RYR2: variants seen among roughly 807,000 people sequenced by gnomAD.
RYR2 encodes cardiac muscle ryanodine receptor-calcium release channel.
Under a neutral mutation model 601.1 loss-of-function variants are expected in RYR2, and 227 were observed. The observed-to-expected ratio is 0.38, with a 90% CI of 0.34 to 0.42. The LOEUF is 0.42. Among genes scored for constraint, RYR2 ranks in the 10% least tolerant of loss-of-function variants. RYR2 has a pLI of 1.00. For missense variants in RYR2, 4,646 were observed against 6,156.5 expected, an observed-to-expected ratio of 0.75 and a Z score of 8.21; for synonymous variants, 2,223 against 2,175.1, an observed-to-expected ratio of 1.02 and a Z score of -0.61.
At chr1:237,684,934 GAA>G (rs3035867) in intron 62 of RYR2, among the ~76,000 whole-genome samples, 5 of 147,688 alleles carry the variant, frequency 3.4e-5, no homozygotes, top group African/African-American at 9.9e-5. Context: ...TAATTAGAGA[GAA>G]AAAAAAAAAT....
intron 22 of RYR2, among the ~76,000 whole-genome samples, chr1:237,504,954 C>G (rs1427392918): frequency 1.3e-5 from 2 of 152,146 alleles, no homozygotes; most frequent in African/African-American, 4.8e-5. Flanking sequence ...CTATGAGACT[C>G]TAAGGAGAAT....
At chr1:237,570,378 G>A (rs936938389) in intron 29 of RYR2, among the ~76,000 whole-genome samples, 3 of 145,682 alleles carry the variant, frequency 2.1e-5, no homozygotes, top group African/African-American at 5.1e-5. Flanking sequence ...TGCTCTTGTC[G>A]CCCGGGCTGG....
intron 17 of RYR2, among the ~76,000 whole-genome samples, chr1:237,479,984 G>A (rs1661855475): frequency 6.6e-6 from 1 of 152,182 alleles, no homozygotes; most frequent in Non-Finnish European, 1.5e-5. Context: ...TGAGAGCAGG[G>A]ATGAGGCCAA....
intron 80 of RYR2, among the ~76,000 whole-genome samples, chr1:237,748,366 CAG>C (rs1692257523): frequency 6.6e-6 from 1 of 152,192 alleles, no homozygotes; most frequent in Admixed American, 6.5e-5. Context: ...TTACTGGTCA[CAG>C]AGTGTTAATT....
At chr1:237,734,956 G>C (rs1364934127) in intron 79 of RYR2, among the ~76,000 whole-genome samples, 4 of 152,166 alleles carry the variant, frequency 2.6e-5, no homozygotes, top group Non-Finnish European at 4.4e-5. Flanking sequence ...AGCATGAGGA[G>C]AGGAGGAGGC....
chr1:237,783,489 G>A (rs906750586), intron 89 of RYR2, among the ~76,000 whole-genome samples, 186 bp from the exon 90 acceptor site: 3 of 152,118 alleles, frequency 2.0e-5, no homozygotes, highest in East Asian at 3.9e-4. Flanking sequence ...CTGTAAATAG[G>A]GTTATGCATG....
chr1:237,209,927 A>G (rs934776275), intron 1 of RYR2, among the ~76,000 whole-genome samples: 1 of 152,224 alleles, frequency 6.6e-6, no homozygotes, highest in East Asian at 1.9e-4. Flanking sequence ...GAGGTTGTGC[A>G]TCTCTTTCTA....
rs1310078581 is a variant in RYR2, at chr1:237,627,878, C to T, written c.6238C>T (p.Leu2080=). The T allele has an allele frequency of 1.2e-6, 2 of 1,613,766 alleles. No individual in the cohort carries two copies. Among genetic ancestry groups the T allele is most frequent in the Non-Finnish European group, 1.7e-6 (2 of 1,179,790 alleles). ...AQESVIEDPE[L]VRAMFVLLHR... The stretch of plus-strand genomic sequence containing the variant: ...GGAGTCTGTCATTGAAGACCCCGAG[C>T]TGGTGAGGGCCATGTTTGTGTTGCT... Residue 2080 remains leucine, a synonymous_variant, in exon 41 of 105, where the codon CTG becomes TTG. Transcript: ENST00000366574.
chr1:237,378,888 TATTAA>T (rs1558715035), intron 8 of RYR2, among the ~76,000 whole-genome samples: 2 of 152,326 alleles, frequency 1.3e-5, no homozygotes, highest in African/African-American at 4.8e-5. Flanking sequence ...TGACAGAAAC[TATTAA>T]ATTAAATGGA....
At chr1:237,210,011 CAG>C (rs1682390450) in intron 1 of RYR2, among the ~76,000 whole-genome samples, 1 of 152,082 alleles carries the variant, frequency 6.6e-6, no homozygotes, top group African/African-American at 2.4e-5. Context: ...ACAATACAGA[CAG>C]AAGAAAATAA....
At chr1:237,306,564 T>C (rs56301267) in intron 2 of RYR2, among the ~76,000 whole-genome samples, 11 of 152,348 alleles carry the variant, frequency 7.2e-5, no homozygotes, top group Non-Finnish European at 1.3e-4. Context: ...GGCTGTACTT[T>C]ATATTATTGA....
chr1:237,456,680 G>T lies in RYR2; in HGVS notation c.1557G>T (p.Gly519=), dbSNP rs772984197. The part of the protein sequence containing the change: ...SSAAHFADVA[G]REAGESWKSI... ...CAGCACACTTTGCTGATGTTGCTGGGCGAGAAGCAGGAGAGTCTTGGAAAT... is the reference window on the plus strand; with the variant it reads ...CAGCACACTTTGCTGATGTTGCTGGTCGAGAAGCAGGAGAGTCTTGGAAAT... Residue 519 remains glycine (G), a synonymous_variant, in exon 16 of 105, where the codon GGG becomes GGT. Coordinates refer to ENST00000366574, the MANE Select transcript of RYR2 (RefSeq NM_001035.3). The T allele has an allele frequency of 3.1e-6, 5 of 1,613,636 alleles. No individual in the cohort carries two copies. The highest frequency in any genetic ancestry group is 2.5e-6 in the Non-Finnish European group (3 of 1,179,684).
intron 2 of RYR2, among the ~76,000 whole-genome samples, chr1:237,317,670 T>TTC (rs138428500): frequency 1.3e-5 from 2 of 151,840 alleles, no homozygotes; most frequent in African/African-American, 2.4e-5. Flanking sequence ...TTTCATTTTT[T>TTC]TCTCTCTCTC....
At chr1:237,509,091 C>T (rs1019571578) in intron 23 of RYR2, among the ~76,000 whole-genome samples, 7 of 152,166 alleles carry the variant, frequency 4.6e-5, no homozygotes, top group African/African-American at 1.7e-4. Flanking sequence ...GCCTTCTTGC[C>T]CGCAACTGAC....
chr1:237,766,734 G>A (rs1417505654), intron 84 of RYR2, among the ~76,000 whole-genome samples: 1 of 152,134 alleles, frequency 6.6e-6, no homozygotes, highest in Non-Finnish European at 1.5e-5. Flanking sequence ...AAAGCAAAGG[G>A]ATTTTTTTTC....
chr1:237,579,342 C>T (rs572089197), intron 29 of RYR2, among the ~76,000 whole-genome samples: 2 of 151,198 alleles, frequency 1.3e-5, no homozygotes, highest in Non-Finnish European at 2.9e-5. Flanking sequence ...CTGCAACCCC[C>T]GCCTCCTGAG....
intron 84 of RYR2, among the ~76,000 whole-genome samples, chr1:237,765,825 A>G (rs1050203673): frequency 9.2e-5 from 14 of 152,184 alleles, no homozygotes; most frequent in African/African-American, 3.4e-4. Flanking sequence ...TTTAAATTAG[A>G]GTGACTATTA....
intron 1 of RYR2, among the ~76,000 whole-genome samples, chr1:237,159,954 C>G (rs16834912): frequency 0.026 from 3,917 of 152,244 alleles, 159 homozygotes; most frequent in African/African-American, 0.09. Context: ...TAATTGCTTG[C>G]TCTTTGAGTA....
At chr1:237,565,011 T>C (rs1047886833) in intron 27 of RYR2, among the ~76,000 whole-genome samples, 2 of 152,236 alleles carry the variant, frequency 1.3e-5, no homozygotes, top group African/African-American at 4.8e-5. Context: ...TACCAAGTCA[T>C]TGATTGAACT....
Sources: allele counts gnomAD v4.1 joint callset (sites outside exome capture counted in the v4.1 genomes callset), GRCh38; gene constraint gnomAD v4.1.1; transcripts MANE v1.5; gene names NCBI Gene and HGNC (gene_info 2026-07-23, HGNC 2026-07-21).